Variants in DNAH3 observed in about 807,000 individuals in gnomAD.
DNAH3 encodes dynein axonemal heavy chain 3.
In DNAH3, 332 loss-of-function variants were observed where a neutral mutation model predicts 432.5. That is an observed-to-expected ratio of 0.77 (90% CI 0.70 to 0.84). The LOEUF (loss-of-function observed/expected upper bound fraction) is 0.84. Ranked by LOEUF, DNAH3 falls within the 40% of genes least tolerant of loss-of-function variation. The pLI is 0.00. For missense variants in DNAH3, 4,861 were observed against 5,114.0 expected (o/e 0.95, Z 1.51); for synonymous variants, 1,956 against 1,900.2 (o/e 1.03, Z -0.76).
At chr16:20,989,610 G>A (rs1426862698) in intron 44 of DNAH3, among the ~76,000 whole-genome samples, 1 of 152,268 alleles carries the variant, frequency 6.6e-6, no homozygotes. Context: ...GGCTGCAGGT[G>A]GAGCTGCCTG....
chr16:21,071,543 T>A (rs1319340621), intron 21 of DNAH3, among the ~76,000 whole-genome samples: 1 of 152,142 alleles, frequency 6.6e-6, no homozygotes, highest in Non-Finnish European at 1.5e-5. Context: ...GGAGTAGGAA[T>A]CTATGTCTTG....
intron 7 of DNAH3, among the ~76,000 whole-genome samples, chr16:21,131,751 G>C (rs1463023238): frequency 6.6e-6 from 1 of 151,856 alleles, no homozygotes; most frequent in Non-Finnish European, 1.5e-5. Context: ...CTACTAGGGA[G>C]GCTGAGGCAG....
chr16:21,142,814 T>C (rs1206123862), intron 3 of DNAH3, among the ~76,000 whole-genome samples: 2 of 152,086 alleles, frequency 1.3e-5, no homozygotes, highest in East Asian at 1.9e-4. Flanking sequence ...CCACCACACC[T>C]GGCTAATTTT....
intron 57 of DNAH3, among the ~76,000 whole-genome samples, chr16:20,946,265 G>A (rs562624802): frequency 6.6e-6 from 1 of 152,248 alleles, no homozygotes; most frequent in South Asian, 2.1e-4. Flanking sequence ...CATAACCCAG[G>A]CATTCCTTTC....
At chr16:21,086,909 C>T (rs201495119) in exon 19 of DNAH3, 1 of 1,614,184 alleles carries the variant, frequency 6.2e-7, no homozygotes, top group South Asian at 1.1e-5. Context: ...TGGGAATGTA[C>T]TGCTTGAACT....
chr16:21,069,325 T>C, intron 23 of DNAH3, 90 bp downstream of exon 23: 1 of 1,161,074 alleles, frequency 8.6e-7, no homozygotes, highest in Middle Eastern at 2.2e-4. Flanking sequence ...CTCTAGTTCA[T>C]TTACAAGTTT....
At chr16:20,941,274 T>A in intron 59 of DNAH3, 127 bp downstream of exon 59, 1 of 1,105,736 alleles carries the variant, frequency 9.0e-7, no homozygotes, top group South Asian at 1.5e-5. Context: ...ACAGCCCCTA[T>A]TCACACCCCT....
intron 21 of DNAH3, among the ~76,000 whole-genome samples, chr16:21,074,476 G>A (rs796263944): frequency 1.3e-4 from 20 of 152,284 alleles, no homozygotes; most frequent in African/African-American, 4.8e-4. Context: ...CAATTTGGGA[G>A]GCGGAGGTGG....
At chr16:21,060,527 T>A (rs199736726) in intron 25 of DNAH3, among the ~76,000 whole-genome samples, 171 bp from the exon 26 acceptor site, 2 of 41,412 alleles carry the variant, frequency 4.8e-5, no homozygotes, top group Non-Finnish European at 4.8e-5. Flanking sequence ...TTTTTTTTTC[T>A]TTTTTTTTTT....
intron 50 of DNAH3, among the ~76,000 whole-genome samples, chr16:20,977,465 T>G (rs1409148992): frequency 6.6e-6 from 1 of 151,870 alleles, no homozygotes; most frequent in East Asian, 1.9e-4. Flanking sequence ...TTGCACTCAC[T>G]GGTCATGATT....
intron 40 of DNAH3, among the ~76,000 whole-genome samples, chr16:21,021,136 C>T (rs1379832067): frequency 2.6e-5 from 4 of 152,170 alleles, no homozygotes; most frequent in South Asian, 2.1e-4. Context: ...GTTCATCCAT[C>T]GGTAGACACA....
intron 50 of DNAH3, among the ~76,000 whole-genome samples, chr16:20,976,050 AT>A (rs1029178579): frequency 1.1e-4 from 16 of 150,296 alleles, no homozygotes; most frequent in Admixed American, 3.3e-4. Flanking sequence ...CGGCCAAGAA[AT>A]TTTTTTTTAA....
At chr16:20,974,849 A>C (rs982602326) in intron 51 of DNAH3, among the ~76,000 whole-genome samples, 1 of 148,238 alleles carries the variant, frequency 6.7e-6, no homozygotes, top group African/African-American at 2.5e-5. Context: ...TTAGAGTTTC[A>C]CTCTTGCCGC....
chr16:21,064,121 T>C lies in DNAH3; in HGVS notation c.3519-1438A>G, dbSNP rs573684955. Among the ~76,000 whole-genome samples, 5 of 152,356 alleles carry C rather than the reference T, an allele frequency of 3.3e-5. No homozygotes were observed. In the East Asian group the frequency reaches 5.8e-4, roughly 18 times the overall value. ...TGGCTCTGTGTCTTGCTTTGGCTAATAGAATGTAAGTGAACATGAGTCTGT... is the reference window on the plus strand; with the variant it reads ...TGGCTCTGTGTCTTGCTTTGGCTAACAGAATGTAAGTGAACATGAGTCTGT... On this transcript the variant is annotated intron_variant, in intron 24 of 61. Coordinates refer to ENST00000261383, the Ensembl canonical transcript of DNAH3.
chr16:21,059,983 C>G (rs2152750829), intron 26 of DNAH3, among the ~76,000 whole-genome samples: 1 of 152,276 alleles, frequency 6.6e-6, no homozygotes, highest in South Asian at 2.1e-4. Flanking sequence ...TCTAAATAGA[C>G]TTCGTGCCAT....
At position 20,956,910 on chromosome 16, in the gene DNAH3, G is replaced by A. The variant is rs148966388; in HGVS notation, c.10827-1853C>T. ...GGCTAATTTTTGTATTTTTAGTAGA[G>A]ACAGGGTTTCACCATGTTGCCAGGC... On this transcript the variant is annotated intron_variant, in intron 54 of 61. Coordinates refer to ENST00000261383, the Ensembl canonical transcript of DNAH3. Among the ~76,000 whole-genome samples, 1,185 of 152,170 alleles carry A rather than the reference G, an allele frequency of 7.8e-3. 18 individuals are homozygous for A. The highest frequency in any genetic ancestry group is 0.028 in the African/African-American group (1,146 of 41,500).
chr16:20,984,804 G>A (rs2086108235), intron 48 of DNAH3, among the ~76,000 whole-genome samples: 1 of 152,140 alleles, frequency 6.6e-6, no homozygotes, highest in African/African-American at 2.4e-5. Context: ...GGCAGAGGTT[G>A]CAGTGAGCTG....
intron 1 of DNAH3, among the ~76,000 whole-genome samples, chr16:21,152,505 G>A (rs1206370163): frequency 2.6e-5 from 4 of 152,244 alleles, no homozygotes; most frequent in Non-Finnish European, 5.9e-5. Flanking sequence ...GGCACTTGAG[G>A]AGCCCTTCAG....
intron 20 of DNAH3, among the ~76,000 whole-genome samples, chr16:21,077,607 G>A (rs1425498746): frequency 6.6e-6 from 1 of 152,122 alleles, no homozygotes; most frequent in African/African-American, 2.4e-5. Context: ...CTATTCCACA[G>A]AAAGGGGCAT....
Sources: allele counts gnomAD v4.1 joint callset (sites outside exome capture counted in the v4.1 genomes callset), GRCh38; gene constraint gnomAD v4.1.1; transcripts MANE v1.5; gene names NCBI Gene and HGNC (gene_info 2026-07-23, HGNC 2026-07-21).